MAP2: variants seen among roughly 807,000 people sequenced by gnomAD.
The protein encoded by MAP2 is microtubule associated protein 2.
In MAP2, 14 loss-of-function variants were observed where a neutral mutation model predicts 137.6. That is an observed-to-expected ratio of 0.10 (90% CI 0.07 to 0.16). The LOEUF (loss-of-function observed/expected upper bound fraction) is 0.16, where lower values mean the gene tolerates loss of function less well. Ranked by LOEUF, MAP2 falls within the 10% of genes least tolerant of loss-of-function variation. MAP2 has a pLI of 1.00. For synonymous variants in MAP2, 786 were observed against 782.3 expected, an observed-to-expected ratio of 1.00 and a Z score of -0.08; for missense variants, 2,088 against 2,191.5, an observed-to-expected ratio of 0.95 and a Z score of 0.94.
At position 209,437,956 on chromosome 2, in the gene MAP2, C is replaced by T. The variant is rs1256745850; in HGVS notation, c.-222+13680C>T. Among the ~76,000 whole-genome samples, 5 of 151,508 alleles carry T rather than the reference C, an allele frequency of 3.3e-5. No homozygotes were observed. The Admixed American group carries it at 3.3e-4, about 10-fold the overall frequency. On this transcript the variant is annotated intron_variant, in intron 1 of 15. Coordinates refer to ENST00000682079, the MANE Select transcript of MAP2 (RefSeq NM_001375505.1). ...ATTTCAACCAGATGTGGAACATAGA[C>T]AACACCTTGAGTGATGAGCCATAGG...
chr2:209,618,914 A>G (rs2090337695), intron 3 of MAP2, among the ~76,000 whole-genome samples: 1 of 152,192 alleles, frequency 6.6e-6, no homozygotes. Flanking sequence ...TCAATAAAAT[A>G]TGGGATATAT....
rs892820823 is a variant in MAP2 at position 209,695,918 on chromosome 2, T to G, written c.3748T>G (p.Phe1250Val). 3 of 1,614,008 alleles carry G rather than the reference T, an allele frequency of 1.9e-6. No homozygotes were observed. Among genetic ancestry groups the G allele is most frequent in the Non-Finnish European group, 2.5e-6 (3 of 1,180,008 alleles). ...EAQGEYDKLL[F>V]RSDTLQITDL... ...CCAGGGAGAATATGATAAACTGCTCTTCCGCTCAGACACCCTTCAGATAAC... is the reference window on the plus strand; with the variant it reads ...CCAGGGAGAATATGATAAACTGCTCGTCCGCTCAGACACCCTTCAGATAAC... Residue 1250 changes from phenylalanine to valine, a missense_variant, in exon 8 of 16, where the codon TTC becomes GTC. Transcript: ENST00000682079.
In MAP2 at chr2:209,666,560, C is replaced by T. The variant is rs1409033284; in HGVS notation, c.263-12012C>T. On this transcript the variant is annotated intron_variant, in intron 5 of 15. Coordinates refer to ENST00000682079, the MANE Select transcript of MAP2 (RefSeq NM_001375505.1). ...GAAAAATGTGTTATGAAATGCTCTGCAGACCACATTTATCTTGCTCATATG... is the reference window on the plus strand; with the variant it reads ...GAAAAATGTGTTATGAAATGCTCTGTAGACCACATTTATCTTGCTCATATG... Among the ~76,000 whole-genome samples, 3 of 152,148 alleles carry T rather than the reference C, an allele frequency of 2.0e-5. No individual in the cohort carries two copies. In the East Asian group the frequency reaches 5.8e-4, roughly 29 times the overall value.
chr2:209,604,377 G>T (rs779695496), intron 3 of MAP2, among the ~76,000 whole-genome samples: 1 of 152,074 alleles, frequency 6.6e-6, no homozygotes, highest in Non-Finnish European at 1.5e-5. Context: ...TTAACACAGG[G>T]TGTACAGTGC....
chr2:209,459,186 C>T (rs1467933882), intron 1 of MAP2, among the ~76,000 whole-genome samples: 1 of 152,050 alleles, frequency 6.6e-6, no homozygotes, highest in African/African-American at 2.4e-5. Flanking sequence ...TGGCTCCACT[C>T]TTTATTAGCT....
intron 3 of MAP2, among the ~76,000 whole-genome samples, chr2:209,593,945 A>ATATATATATACACACACATATTTTAAAAT: frequency 7.5e-6 from 1 of 132,746 alleles, no homozygotes; most frequent in Middle Eastern, 3.6e-3. Flanking sequence ...ATATATATTT[A>ATATATATATACACACACATATTTTAAAAT]TATATATATA....
intron 1 of MAP2, among the ~76,000 whole-genome samples, chr2:209,425,046 G>A (rs1447839972): frequency 6.6e-6 from 1 of 151,976 alleles, no homozygotes; most frequent in Non-Finnish European, 1.5e-5. Context: ...TTTAAGGATG[G>A]AAATTTCAAG....
chr2:209,517,824 A>G (rs1020621277), intron 2 of MAP2, among the ~76,000 whole-genome samples: 1 of 151,862 alleles, frequency 6.6e-6, no homozygotes, highest in Non-Finnish European at 1.5e-5. Flanking sequence ...AGTATATACA[A>G]AGAAATACAA....
intron 2 of MAP2, among the ~76,000 whole-genome samples, chr2:209,524,405 T>G (rs1037728578): frequency 6.6e-6 from 1 of 152,068 alleles, no homozygotes; most frequent in Non-Finnish European, 1.5e-5. Flanking sequence ...ATTCACTGGA[T>G]AGAGATATAC....
intron 1 of MAP2, among the ~76,000 whole-genome samples, chr2:209,470,781 C>A (rs1045995368): frequency 6.6e-6 from 1 of 152,018 alleles, no homozygotes. Context: ...TACCTGGATT[C>A]CAAAAGTAAA....
At chr2:209,688,010 T>C (rs2057624222) in intron 7 of MAP2, among the ~76,000 whole-genome samples, 1 of 152,140 alleles carries the variant, frequency 6.6e-6, no homozygotes, top group South Asian at 2.1e-4. Flanking sequence ...GCCTACAGCT[T>C]TGACCACCTA....
At chr2:209,443,571 GA>G (rs1698348112) in intron 1 of MAP2, among the ~76,000 whole-genome samples, 1 of 286 alleles carries the variant, frequency 3.5e-3, no homozygotes, top group South Asian at 0.25. Context: ...TCTCTTCAAC[GA>G]CCCACTCCCA....
intron 1 of MAP2, among the ~76,000 whole-genome samples, chr2:209,448,358 G>A (rs920958147): frequency 4.6e-5 from 7 of 151,980 alleles, no homozygotes; most frequent in Non-Finnish European, 8.8e-5. Context: ...CCAATCTTGC[G>A]TGCTCCCCAA....
intron 2 of MAP2, among the ~76,000 whole-genome samples, chr2:209,508,600 AC>A (rs2061365643): frequency 6.6e-6 from 1 of 151,732 alleles, no homozygotes; most frequent in East Asian, 1.9e-4. Context: ...ACACACACAC[AC>A]ACACACACAC....
chr2:209,454,747 TAAC>T (rs1267510123), intron 1 of MAP2, among the ~76,000 whole-genome samples: 14 of 152,210 alleles, frequency 9.2e-5, no homozygotes, highest in Non-Finnish European at 1.8e-4. Context: ...TATATGATAA[TAAC>T]AAATATTTGT....
intron 1 of MAP2, among the ~76,000 whole-genome samples, chr2:209,455,596 G>A (rs1701344898): frequency 6.6e-6 from 1 of 152,064 alleles, no homozygotes; most frequent in African/African-American, 2.4e-5. Flanking sequence ...AAAATTATTA[G>A]CATGAATTAC....
intron 1 of MAP2, among the ~76,000 whole-genome samples, chr2:209,483,479 C>G (rs2057981465): frequency 6.6e-6 from 1 of 152,180 alleles, no homozygotes; most frequent in South Asian, 2.1e-4. Flanking sequence ...GAAGCTGAGG[C>G]TGGAGGATCC....
At chr2:209,602,846 T>C (rs2083402904) in intron 3 of MAP2, among the ~76,000 whole-genome samples, 1 of 152,158 alleles carries the variant, frequency 6.6e-6, no homozygotes, top group South Asian at 2.1e-4. Flanking sequence ...CTCTACCAAA[T>C]CTTAAAATGG....
chr2:209,694,084 C>A lies in MAP2; in HGVS notation c.1914C>A (p.Ser638Arg), dbSNP rs2059608194. 2 of 1,613,540 alleles carry A rather than the reference C, an allele frequency of 1.2e-6. No individual in the cohort carries two copies. The highest frequency in any genetic ancestry group is 1.7e-6 in the Non-Finnish European group (2 of 1,179,780). The change falls in exon 8 of 16, where the codon AGC becomes AGA. Residue 638 changes from serine to arginine, a missense_variant. Coordinates refer to ENST00000682079, the MANE Select transcript of MAP2 (RefSeq NM_001375505.1). The part of the protein sequence containing the change: ...PSPPAQEAGY[S>R]TLAQSYPSDL... ...CTCCAGCACAAGAAGCAGGGTACAGCACTCTCGCACAGAGTTATCCATCAG... is the reference window on the plus strand; with the variant it reads ...CTCCAGCACAAGAAGCAGGGTACAGAACTCTCGCACAGAGTTATCCATCAG...
Sources: allele counts gnomAD v4.1 joint callset (sites outside exome capture counted in the v4.1 genomes callset), GRCh38; gene constraint gnomAD v4.1.1; transcripts MANE v1.5; gene names NCBI Gene and HGNC (gene_info 2026-07-23, HGNC 2026-07-21).